ADGRF5: variants seen among roughly 807,000 people sequenced by gnomAD.
ADGRF5 encodes the protein G-protein coupled receptor 116.
A neutral mutation model predicts 132.3 loss-of-function variants in ADGRF5; 75 were observed. That is an observed-to-expected ratio of 0.57 (90% CI 0.47 to 0.69). The LOEUF is 0.69. Ranked by LOEUF, ADGRF5 falls within the 30% of genes least tolerant of loss-of-function variation. ADGRF5 has a pLI of 0.00. For synonymous variants in ADGRF5, 629 were observed against 597.6 expected, an observed-to-expected ratio of 1.05 and a Z score of -0.77; for missense variants, 1,516 against 1,630.6, an observed-to-expected ratio of 0.93 and a Z score of 1.21.
chr6:46,853,065 A>AT lies in ADGRF5; in HGVS notation c.*926dup, dbSNP rs1174308811. 1.2e-4 allele frequency: 19 copies of AT among 152,734 alleles called. No individual in the cohort carries two copies. Among genetic ancestry groups the AT allele is most frequent in the Admixed American group, 1.0e-3 (16 of 15,294 alleles). 9.5% of individuals were successfully genotyped at this position (152,734 alleles called of 1,614,324 possible). ...CAATTGAAGGGTATATCAAATATAT[A>AT]TTTTTTGCTTTCAAAATGTGGAACA... is the stretch of plus-strand genomic sequence containing the variant. On this transcript the variant is annotated 3_prime_UTR_variant, in exon 21 of 21. Coordinates refer to ENST00000283296, the MANE Select transcript of ADGRF5 (RefSeq NM_001098518.2).
In ADGRF5 at chr6:46,872,196, G is replaced by A. The variant is rs538037572; in HGVS notation, c.1241-183C>T. On this transcript the variant is annotated intron_variant, in intron 10 of 20. Coordinates refer to ENST00000283296, the MANE Select transcript of ADGRF5 (RefSeq NM_001098518.2). The stretch of plus-strand genomic sequence containing the variant: ...CTCTGTATCCAGGTTGCCTGGCTTC[G>A]GATCCCAAACTCCATCACTTACTAG... Among the ~76,000 whole-genome samples the A allele has an allele frequency of 1.2e-3, 183 of 152,122 alleles. 1 individual carries two copies. The highest frequency in any genetic ancestry group is 1.5e-3 in the Non-Finnish European group (99 of 67,992).
At chr6:46,930,791 G>C (rs571820411) in intron 1 of ADGRF5, among the ~76,000 whole-genome samples, 1 of 152,248 alleles carries the variant, frequency 6.6e-6, no homozygotes, top group East Asian at 1.9e-4. Context: ...GGCAGCTCAC[G>C]CCTGTAATCC....
intron 1 of ADGRF5, among the ~76,000 whole-genome samples, chr6:46,951,814 G>T (rs564183944): frequency 6.6e-6 from 1 of 152,174 alleles, no homozygotes; most frequent in Non-Finnish European, 1.5e-5. Flanking sequence ...CAGGAGTCAC[G>T]GGCAAACTGT....
rs1263204374 is a variant in ADGRF5, at chr6:46,859,174, G to A, written c.2729C>T (p.Ala910Val). 2 of 1,613,682 alleles carry A rather than the reference G, an allele frequency of 1.2e-6. No homozygotes were observed. Among genetic ancestry groups the A allele is most frequent in the African/African-American group, 1.3e-5 (1 of 74,912 alleles). The change falls in exon 17 of 21, where the codon GCC becomes GTC. Residue 910 changes from alanine (A) to valine (V), a missense_variant. Physicochemically the swap from Ala to Val is moderately conservative, Grantham distance 64. This residue lies in a region of ADGRF5 where 571 missense variants were observed against 701.2 expected (regional missense o/e 0.81). Transcript: ENST00000283296. ...AAAGTTATTTTCCTGGATATCCTGG[G>A]CAAGGATGGCTTGGAGAGTTGGGAA... ...MAFPTLQAIL[A>V]QDIQENNFAE...
intron 3 of ADGRF5, among the ~76,000 whole-genome samples, chr6:46,898,881 C>T (rs992568948): frequency 4.6e-5 from 7 of 152,122 alleles, no homozygotes; most frequent in South Asian, 2.1e-4. Context: ...AGACGTTTTC[C>T]GATAGGAATT....
At chr6:46,936,974 C>A (rs193288149) in intron 1 of ADGRF5, among the ~76,000 whole-genome samples, 1 of 152,290 alleles carries the variant, frequency 6.6e-6, no homozygotes, top group African/African-American at 2.4e-5. Context: ...CCTCTGACAC[C>A]TCTCTTACCT....
upstream of ADGRF5, chr6:46,921,997 C>G (rs568321700): frequency 6.6e-6 from 1 of 152,386 alleles, no homozygotes; most frequent in African/African-American, 2.4e-5. Context: ...GTCCTCTTCC[C>G]CGGATGGCGT....
intron 4 of ADGRF5, chr6:46,888,065 G>T: frequency 3.4e-6 from 1 of 293,032 alleles, no homozygotes; most frequent in Non-Finnish European, 6.0e-6. Context: ...TGAAGGACCT[G>T]GCCATATCTT....
Position 46,900,067 on chromosome 6 carries a change from T to G in ADGRF5, c.119A>C (p.Glu40Ala). Residue 40 changes from glutamate to alanine, a missense_variant, in exon 3 of 21, where the codon GAA becomes GCA. Physicochemically the swap from Glu to Ala is moderately radical, Grantham distance 107. Around this residue, in one of 2 missense-constraint regions of ADGRF5, gnomAD observed 945 missense variants for 929.4 expected, o/e 1.02. Transcript: ENST00000283296. Reference sequence around the variant, plus strand: ...CCTCAGTGCCTCTTCACCAGCTGGTTCATGTTCATGAAGACTCTGAAAAGA... The same window carrying G: ...CCTCAGTGCCTCTTCACCAGCTGGTGCATGTTCATGAAGACTCTGAAAAGA... ...TIHPLSLHEH[E>A]PAGEEALRQK... The G allele has an allele frequency of 6.2e-7, 1 of 1,612,776 alleles. No homozygotes were observed. Among genetic ancestry groups the G allele is most frequent in the Non-Finnish European group, 8.5e-7 (1 of 1,178,758 alleles).
At chr6:46,953,687 ATATC>A (rs1554131450) in intron 1 of ADGRF5, among the ~76,000 whole-genome samples, 1 of 130,272 alleles carries the variant, frequency 7.7e-6, no homozygotes, top group African/African-American at 2.8e-5. Context: ...ATATATATAT[ATATC>A]TCACTGACAG....
chr6:46,943,447 TATGG>T (rs1444536198), intron 1 of ADGRF5, among the ~76,000 whole-genome samples: 1 of 152,200 alleles, frequency 6.6e-6, no homozygotes, highest in African/African-American at 2.4e-5. Context: ...CTGGGAAACT[TATGG>T]ATGATTTCTT....
At chr6:46,939,347 G>A (rs995045567) in intron 1 of ADGRF5, among the ~76,000 whole-genome samples, 3 of 152,166 alleles carry the variant, frequency 2.0e-5, no homozygotes, top group Non-Finnish European at 4.4e-5. Context: ...CTCAAGGTGG[G>A]CTCAAGGTGT....
rs757861243 is a variant in ADGRF5 at position 46,871,888 on chromosome 6, C to T, written c.1366G>A (p.Gly456Arg). The change falls in exon 11 of 21, where the codon GGA (glycine) becomes AGA (arginine). Residue 456 changes from glycine (G) to arginine (R), a missense_variant. Gly to Arg is a moderately radical substitution (Grantham distance 125, BLOSUM62 -2). This residue lies in a region of ADGRF5 where 945 missense variants were observed against 929.4 expected (regional missense o/e 1.02). Transcript: ENST00000283296. ...IYTCEFISAY[G>R]ARGSANIKVT... ...TTTATGTTTGCACTGCCTCTGGCTC[C>T]ATAGGCACTGATGAACTCACAAGTG... 5 of 1,611,890 alleles carry T rather than the reference C, an allele frequency of 3.1e-6. No homozygotes were observed. The highest frequency in any genetic ancestry group is 4.2e-6 in the Non-Finnish European group (5 of 1,178,428).
chr6:46,884,235 C>A lies in ADGRF5; in HGVS notation c.365G>T (p.Cys122Phe), dbSNP rs746461638. 2 of 1,613,820 alleles carry A rather than the reference C, an allele frequency of 1.2e-6. No homozygotes were observed. The highest frequency in any genetic ancestry group is 2.7e-5 in the African/African-American group (2 of 74,914). Residue 122 changes from cysteine to phenylalanine, a missense_variant, in exon 5 of 21, where the codon TGC becomes TTC. This residue lies in a region of ADGRF5 where 945 missense variants were observed against 929.4 expected (regional missense o/e 1.02). Coordinates refer to ENST00000283296, the MANE Select transcript of ADGRF5 (RefSeq NM_001098518.2). ...CCGAGGCCACCCATAACCTGTCTCG[C>A]AGGAGCACCAGATTTCATTTCCAGC... ...RPAGNEIWCS[C>F]ETGYGWPRER...
intron 1 of ADGRF5, among the ~76,000 whole-genome samples, chr6:46,936,640 C>A (rs879430908): frequency 6.6e-6 from 1 of 152,174 alleles, no homozygotes; most frequent in African/African-American, 2.4e-5. Context: ...GTAATGAAAA[C>A]AACTGTCCCC....
At chr6:46,878,070 T>A (rs530477374) in intron 10 of ADGRF5, 132 bp downstream of exon 10, 8 of 666,460 alleles carry the variant, frequency 1.2e-5, no homozygotes, top group Non-Finnish European at 2.2e-5. Flanking sequence ...TCAAACCTAA[T>A]GCCTTTTCAC....
At chr6:46,922,740 G>T (rs1777040080), upstream of ADGRF5, among the ~76,000 whole-genome samples, 1 of 152,172 alleles carries the variant, frequency 6.6e-6, no homozygotes, top group Admixed American at 6.5e-5. Context: ...GATGAATGAG[G>T]CCTGGCTTGG....
At chr6:46,888,084 T>C (rs1640337758) in intron 4 of ADGRF5, 1 of 401,304 alleles carries the variant, frequency 2.5e-6, no homozygotes, top group African/African-American at 2.0e-5. Context: ...TTGGGATCAC[T>C]TTATGACAAG....
intron 1 of ADGRF5, among the ~76,000 whole-genome samples, chr6:46,919,152 C>T (rs1281443240): frequency 6.6e-6 from 1 of 152,190 alleles, no homozygotes; most frequent in Non-Finnish European, 1.5e-5. Flanking sequence ...CAAACATCTA[C>T]CATGTGGCTA....
Sources: allele counts gnomAD v4.1 joint callset (sites outside exome capture counted in the v4.1 genomes callset), GRCh38; gene constraint gnomAD v4.1.1; regional missense constraint gnomAD v4.1.1; transcripts MANE v1.5; gene names NCBI Gene and HGNC (gene_info 2026-07-23, HGNC 2026-07-21).